TMPRSS11E: variants seen among roughly 807,000 people sequenced by gnomAD.
TMPRSS11E encodes transmembrane protease serine 11E.
Under a neutral mutation model 48.1 loss-of-function variants are expected in TMPRSS11E, and 38 were observed. The observed-to-expected ratio is 0.79, with a 90% CI of 0.61 to 1.04. The LOEUF is 1.04. Ranked by LOEUF, TMPRSS11E falls within the 50% of genes least tolerant of loss-of-function variation. The pLI is 0.00. For synonymous variants in TMPRSS11E, 158 were observed against 171.9 expected, an observed-to-expected ratio of 0.92 and a Z score of 0.63; for missense variants, 530 against 510.8, an observed-to-expected ratio of 1.04 and a Z score of -0.36.
At chr4:68,451,809 T>C (rs769759881) in intron 1 of TMPRSS11E, among the ~76,000 whole-genome samples, 18 of 151,862 alleles carry the variant, frequency 1.2e-4, no homozygotes, top group Non-Finnish European at 2.2e-4. Context: ...GGTAATTTTT[T>C]TTTGCCCAGG....
chr4:68,477,316 T>C, intron 7 of TMPRSS11E, 53 bp from the exon 8 acceptor site: 1 of 1,501,926 alleles, frequency 6.7e-7, no homozygotes, highest in South Asian at 1.3e-5. Flanking sequence ...ATATAAATTA[T>C]TCGACTGGTA....
chr4:68,467,391 A>G (rs539814680), intron 3 of TMPRSS11E, among the ~76,000 whole-genome samples: 13 of 152,130 alleles, frequency 8.5e-5, no homozygotes, highest in African/African-American at 3.1e-4. Flanking sequence ...ACAAGGGCCT[A>G]AGTGGTAACT....
intron 7 of TMPRSS11E, among the ~76,000 whole-genome samples, chr4:68,477,059 T>C (rs1729239968): frequency 1.3e-5 from 2 of 152,128 alleles, no homozygotes; most frequent in Admixed American, 1.3e-4. Flanking sequence ...ATAGAATATA[T>C]TAATTTCTCT....
intron 2 of TMPRSS11E, among the ~76,000 whole-genome samples, chr4:68,462,870 T>C (rs1334456833): frequency 2.0e-5 from 3 of 152,202 alleles, no homozygotes; most frequent in African/African-American, 4.8e-5. Flanking sequence ...GTTGCTATGT[T>C]ATTAGAAAGG....
At chr4:68,461,783 T>C in intron 1 of TMPRSS11E, 38 bp from the exon 2 acceptor site, 1 of 1,613,656 alleles carries the variant, frequency 6.2e-7, no homozygotes, top group South Asian at 1.1e-5. Flanking sequence ...ATGTGTTGCA[T>C]GCTCTGAAAT....
chr4:68,456,876 C>A lies in TMPRSS11E; in HGVS notation c.12-4945C>A, dbSNP rs1198155801. ...CATATGCAGAAAACTGAAAGTGGAC[C>A]TCTTCCTTACACCTTAAACAAAAAT... is the stretch of plus-strand genomic sequence containing the variant. On this transcript the variant is annotated intron_variant, in intron 1 of 9. Transcript: ENST00000305363. 2.0e-5 allele frequency among the ~76,000 whole-genome samples: 3 copies of A among 152,182 alleles called. No individual in the cohort carries two copies. In the East Asian group the frequency reaches 5.8e-4, roughly 29 times the overall value.
At chr4:68,469,225 T>C (rs949543797) in intron 4 of TMPRSS11E, among the ~76,000 whole-genome samples, 4 of 152,160 alleles carry the variant, frequency 2.6e-5, no homozygotes, top group Admixed American at 2.0e-4. Flanking sequence ...TAAATACAGA[T>C]AGACCTAACA....
chr4:68,449,310 A>G (rs956950937), intron 1 of TMPRSS11E, among the ~76,000 whole-genome samples: 3 of 151,814 alleles, frequency 2.0e-5, no homozygotes, highest in African/African-American at 7.2e-5. Context: ...ATAAGTTTAT[A>G]GAGAACAGAT....
At chr4:68,458,974 G>A (rs1358157346) in intron 1 of TMPRSS11E, among the ~76,000 whole-genome samples, 1 of 152,044 alleles carries the variant, frequency 6.6e-6, no homozygotes, top group African/African-American at 2.4e-5. Context: ...AGCTCATTAG[G>A]TTAGGAGGGG....
Position 68,461,818 on chromosome 4 carries a change from T to C in TMPRSS11E, c.12-3T>C, listed in dbSNP as rs778915850. ...TAATCTATCTATTTATTTTCTTCCTTAGGCCAGATGTGGTGAGGGCTAGGA... is the reference window on the plus strand; with the variant it reads ...TAATCTATCTATTTATTTTCTTCCTCAGGCCAGATGTGGTGAGGGCTAGGA... On this transcript the variant is annotated splice_polypyrimidine_tract_variant and splice_region_variant and intron_variant, in intron 1 of 9. Coordinates refer to ENST00000305363, the MANE Select transcript of TMPRSS11E (RefSeq NM_014058.4). The C allele has an allele frequency of 1.2e-6, 2 of 1,614,158 alleles. No homozygotes were observed. Among genetic ancestry groups the C allele is most frequent in the Non-Finnish European group, 1.7e-6 (2 of 1,179,992 alleles).
chr4:68,482,136 C>T (rs562645481), intron 9 of TMPRSS11E, among the ~76,000 whole-genome samples: 20 of 152,068 alleles, frequency 1.3e-4, no homozygotes, highest in Middle Eastern at 3.4e-3. Flanking sequence ...GGAGCAGGTA[C>T]ATCACATGGT....
At position 68,466,731 on chromosome 4, in the gene TMPRSS11E, G is replaced by A. The variant is rs145801188; in HGVS notation, c.237G>A (p.Met79Ile). The A allele has an allele frequency of 1.1e-4, 183 of 1,613,528 alleles. 1 individual carries two copies. The highest frequency in any genetic ancestry group is 1.5e-4 in the Non-Finnish European group (175 of 1,179,684). The change falls in exon 3 of 10, where the codon ATG (methionine) becomes ATA (isoleucine). Residue 79 changes from methionine to isoleucine, a missense_variant. Coordinates refer to ENST00000305363, the MANE Select transcript of TMPRSS11E (RefSeq NM_014058.4). ...GREASNNFTE[M>I]SQRLESMVKN... ...AGGCTTCTAACAATTTTACAGAAAT[G>A]AGCCAGAGACTTGAATCAATGGTAA... is the stretch of plus-strand genomic sequence containing the variant.
chr4:68,474,839 G>T, intron 6 of TMPRSS11E, 78 bp downstream of exon 6: 1 of 1,194,278 alleles, frequency 8.4e-7, no homozygotes, highest in Non-Finnish European at 1.2e-6. Context: ...GGTTTACTTT[G>T]TGTTGATATC....
chr4:68,482,551 T>C, intron 9 of TMPRSS11E, among the ~76,000 whole-genome samples: 1 of 134,306 alleles, frequency 7.4e-6, no homozygotes, highest in African/African-American at 2.8e-5. Context: ...CCCAGGAGTT[T>C]GAGACCAGCC....
At chr4:68,486,422 T>A (rs1049461333) in intron 9 of TMPRSS11E, among the ~76,000 whole-genome samples, 5 of 152,220 alleles carry the variant, frequency 3.3e-5, no homozygotes, top group Non-Finnish European at 5.9e-5. Flanking sequence ...AGGAGCAGGC[T>A]GTTTAATTTC....
chr4:68,477,329 A>G, intron 7 of TMPRSS11E, 40 bp from the exon 8 acceptor site: 1 of 1,558,646 alleles, frequency 6.4e-7, no homozygotes, highest in Non-Finnish European at 8.7e-7. Flanking sequence ...GACTGGTAGC[A>G]TGGTAAAAAG....
chr4:68,471,138 G>A (rs558868177), intron 4 of TMPRSS11E, among the ~76,000 whole-genome samples: 43 of 152,000 alleles, frequency 2.8e-4, no homozygotes, highest in African/African-American at 1.0e-3. Context: ...TAGCAATATA[G>A]AAGGAAACAT....
At chr4:68,484,236 A>G (rs373130291) in intron 9 of TMPRSS11E, among the ~76,000 whole-genome samples, 1 of 152,332 alleles carries the variant, frequency 6.6e-6, no homozygotes, top group East Asian at 1.9e-4. Flanking sequence ...CAGTATGGCC[A>G]TTTTAACAAT....
intron 6 of TMPRSS11E, 133 bp downstream of exon 6, chr4:68,474,894 A>G (rs1469149274): frequency 1.4e-6 from 1 of 711,114 alleles, no homozygotes; most frequent in Non-Finnish European, 2.3e-6. Context: ...TGTACAGTTC[A>G]TGGTACTTTA....
Sources: gnomAD v4.1 joint callset for allele counts (sites outside exome capture counted in the v4.1 genomes callset) on GRCh38, gnomAD v4.1.1 for gene constraint, MANE v1.5 for transcripts, NCBI Gene and HGNC (gene_info 2026-07-23, HGNC 2026-07-21) for gene names.